The following NCALD variants were observed in gnomAD, a reference collection of about 807,000 sequenced individuals.
NCALD encodes neurocalcin-delta.
A neutral mutation model predicts 18.6 loss-of-function variants in NCALD; 10 were observed. The ratio of observed to expected loss-of-function variants is 0.54; its 90% CI spans 0.33 to 0.91. The LOEUF (loss-of-function observed/expected upper bound fraction) is 0.91, where lower values mean the gene tolerates loss of function less well. NCALD is among the 40% of genes least tolerant of loss of function. The pLI is 0.03. For missense variants in NCALD, 184 were observed against 247.6 expected, an observed-to-expected ratio of 0.74 and a Z score of 1.72; for synonymous variants, 88 against 87.4, an observed-to-expected ratio of 1.01 and a Z score of -0.04.
intron 1 of NCALD, among the ~76,000 whole-genome samples, chr8:101,775,186 A>G (rs893347779): frequency 6.6e-6 from 1 of 152,208 alleles, no homozygotes; most frequent in Non-Finnish European, 1.5e-5. Flanking sequence ...CTCGGAGTAC[A>G]GATTATGACT....
At chr8:101,962,807 A>G (rs1268232921) in intron 2 of NCALD, among the ~76,000 whole-genome samples, 1 of 152,202 alleles carries the variant, frequency 6.6e-6, no homozygotes, top group Non-Finnish European at 1.5e-5. Flanking sequence ...TTTCTCATAG[A>G]GCAATAACTT....
At chr8:102,107,592 G>A (rs1563623663) in intron 1 of NCALD, among the ~76,000 whole-genome samples, 1 of 152,138 alleles carries the variant, frequency 6.6e-6, no homozygotes, top group Non-Finnish European at 1.5e-5. Flanking sequence ...CAAGTAAAGG[G>A]ACATTCTCAT....
chr8:101,829,106 C>T (rs1288896364), intron 4 of NCALD, among the ~76,000 whole-genome samples: 1 of 152,140 alleles, frequency 6.6e-6, no homozygotes, highest in Non-Finnish European at 1.5e-5. Flanking sequence ...TCAGTTAAGA[C>T]AATGAAAATG....
chr8:102,087,998 G>T (rs1192438878), intron 1 of NCALD, among the ~76,000 whole-genome samples: 4 of 152,072 alleles, frequency 2.6e-5, no homozygotes, highest in South Asian at 2.1e-4. Flanking sequence ...GGAAAAAAAA[G>T]GATTTGTGAG....
chr8:101,706,423 G>C (rs1298329262), intron 2 of NCALD, among the ~76,000 whole-genome samples: 1 of 152,150 alleles, frequency 6.6e-6, no homozygotes, highest in Non-Finnish European at 1.5e-5. Context: ...TCCATTAAGA[G>C]TTGGACACAG....
chr8:102,028,878 T>A (rs1471467175), intron 1 of NCALD: 1 of 152,122 alleles, frequency 6.6e-6, no homozygotes, highest in African/African-American at 2.4e-5. Flanking sequence ...ACAACAGGTA[T>A]AAACTGGGAG....
chr8:101,754,822 C>G (rs559828853), intron 1 of NCALD, among the ~76,000 whole-genome samples: 5 of 151,998 alleles, frequency 3.3e-5, no homozygotes, highest in Non-Finnish European at 7.4e-5. Flanking sequence ...AAGATACACT[C>G]GGCACAGGGC....
intron 4 of NCALD, among the ~76,000 whole-genome samples, chr8:101,804,427 C>A (rs1563786053): frequency 7.9e-6 from 1 of 126,394 alleles, no homozygotes; most frequent in African/African-American, 3.1e-5. Flanking sequence ...CTATTTATAA[C>A]TGTAATATAT....
At chr8:101,814,180 C>G (rs1813409758) in intron 4 of NCALD, among the ~76,000 whole-genome samples, 1 of 151,856 alleles carries the variant, frequency 6.6e-6, no homozygotes, top group Admixed American at 6.6e-5. Context: ...TATCCTAGTA[C>G]CAAACCCAAA....
intron 1 of NCALD, among the ~76,000 whole-genome samples, chr8:102,034,015 T>C (rs1822774120): frequency 6.8e-6 from 1 of 147,890 alleles, no homozygotes; most frequent in African/African-American, 2.5e-5. Flanking sequence ...TCCCTCTAAA[T>C]ACACACACAC....
intron 1 of NCALD, among the ~76,000 whole-genome samples, chr8:101,775,625 C>A (rs187198741): frequency 1.2e-3 from 181 of 152,252 alleles, no homozygotes; most frequent in African/African-American, 4.0e-3. Flanking sequence ...AGATTCCAAC[C>A]AAGAGCCCTG....
intron 2 of NCALD, among the ~76,000 whole-genome samples, chr8:101,975,974 CATTGGCAGGAG>C (rs1820408613): frequency 6.6e-6 from 1 of 152,176 alleles, no homozygotes; most frequent in Non-Finnish European, 1.5e-5. Context: ...TCATAGAAGG[CATTGGCAGGAG>C]ATTGGGAGGT....
At chr8:101,901,764 C>G (rs1817432290) in intron 3 of NCALD, among the ~76,000 whole-genome samples, 1 of 151,240 alleles carries the variant, frequency 6.6e-6, no homozygotes, top group Non-Finnish European at 1.5e-5. Context: ...TTGTACTTAC[C>G]CCATTTTTAT....
chr8:101,765,083 T>C (rs1348734393), intron 1 of NCALD, among the ~76,000 whole-genome samples: 1 of 152,184 alleles, frequency 6.6e-6, no homozygotes, highest in African/African-American at 2.4e-5. Context: ...GCAAAGAGAT[T>C]TGTATCCTTC....
At chr8:101,766,917 C>T (rs898724898) in intron 1 of NCALD, among the ~76,000 whole-genome samples, 1 of 152,222 alleles carries the variant, frequency 6.6e-6, no homozygotes, top group Non-Finnish European at 1.5e-5. Context: ...TATACATACA[C>T]ATAATATACA....
intron 1 of NCALD, among the ~76,000 whole-genome samples, chr8:101,754,189 G>A (rs2130791255): frequency 6.6e-6 from 1 of 152,184 alleles, no homozygotes; most frequent in Admixed American, 6.5e-5. Flanking sequence ...AACCAGTACA[G>A]TATCTGGAAT....
intron 4 of NCALD, among the ~76,000 whole-genome samples, chr8:101,873,766 T>C (rs1816114015): frequency 6.6e-6 from 1 of 152,222 alleles, no homozygotes; most frequent in South Asian, 2.1e-4. Context: ...TTGGGGTAGA[T>C]GGTGGGAAAG....
intron 1 of NCALD, among the ~76,000 whole-genome samples, chr8:102,051,811 T>C (rs955019483): frequency 6.6e-6 from 1 of 152,240 alleles, no homozygotes; most frequent in Non-Finnish European, 1.5e-5. Flanking sequence ...AACTACAATG[T>C]ACCAAGTTTA....
At chr8:101,965,706 A>G (rs1417092010) in intron 2 of NCALD, among the ~76,000 whole-genome samples, 1 of 151,762 alleles carries the variant, frequency 6.6e-6, no homozygotes, top group African/African-American at 2.4e-5. Flanking sequence ...TGGCATGCGT[A>G]TACCTATGTA....
Sources: allele counts gnomAD v4.1 joint callset (sites outside exome capture counted in the v4.1 genomes callset), GRCh38; gene constraint gnomAD v4.1.1; transcripts MANE v1.5; gene names NCBI Gene and HGNC (gene_info 2026-07-23, HGNC 2026-07-21).